Variants in ST8SIA1 observed in about 807,000 individuals in gnomAD.
ST8SIA1 encodes the protein alpha-N-acetylneuraminide alpha-2,8-sialyltransferase.
ST8SIA1 carries 16 observed loss-of-function variants against 35.9 expected under a neutral mutation model. The observed-to-expected ratio is 0.45, with a 90% CI of 0.30 to 0.68. The LOEUF (loss-of-function observed/expected upper bound fraction) is 0.68. Ranked by LOEUF, ST8SIA1 falls within the 30% of genes least tolerant of loss-of-function variation. The pLI is 0.09. For synonymous variants in ST8SIA1, 170 were observed against 169.6 expected, an observed-to-expected ratio of 1.00 and a Z score of -0.02; for missense variants, 383 against 453.6, an observed-to-expected ratio of 0.84 and a Z score of 1.41.
chr12:22,251,276 C>T (rs1224919382), intron 3 of ST8SIA1, among the ~76,000 whole-genome samples: 3 of 152,146 alleles, frequency 2.0e-5, no homozygotes, highest in Non-Finnish European at 4.4e-5. Flanking sequence ...ATTAAACAAA[C>T]TGGTTTTCAT....
chr12:22,227,195 C>T (rs934484977), intron 4 of ST8SIA1, among the ~76,000 whole-genome samples: 3 of 152,018 alleles, frequency 2.0e-5, no homozygotes, highest in Non-Finnish European at 2.9e-5. Flanking sequence ...CCACCTGCCT[C>T]GGCCTCTCAA....
chr12:22,274,247 G>C (rs61921824), intron 2 of ST8SIA1, among the ~76,000 whole-genome samples: 2 of 152,116 alleles, frequency 1.3e-5, no homozygotes, highest in Middle Eastern at 3.2e-3. Context: ...GACAATCAAG[G>C]GTTTTAAGCA....
At chr12:22,281,992 A>G (rs978642233) in intron 2 of ST8SIA1, among the ~76,000 whole-genome samples, 2 of 152,132 alleles carry the variant, frequency 1.3e-5, no homozygotes, top group African/African-American at 2.4e-5. Flanking sequence ...TTTATCAAAC[A>G]GAGCAAGACC....
rs186257080 is a variant in ST8SIA1, at chr12:22,249,120, T to C, written c.492-22A>G. 55 of 1,512,070 alleles carry C rather than the reference T, an allele frequency of 3.6e-5. No individual in the cohort carries two copies. In the East Asian group the frequency reaches 1.1e-3, roughly 30 times the overall value. 93.7% of individuals were successfully genotyped at this position (1,512,070 alleles called of 1,614,324 possible). A position where few individuals can be genotyped will look rare whatever the true frequency, so the allele number is the denominator to read the frequency against. On this transcript the variant is annotated intron_variant, in intron 3 of 4. Coordinates refer to ENST00000396037, the MANE Select transcript of ST8SIA1 (RefSeq NM_003034.4). Reference sequence around the variant, plus strand: ...GCATCTAGAGAAACAAGAACAAACATTTTGGAACAATTTGCATAGTTTTAA... The same window carrying C: ...GCATCTAGAGAAACAAGAACAAACACTTTGGAACAATTTGCATAGTTTTAA...
At chr12:22,246,639 G>A (rs1438319260) in intron 4 of ST8SIA1, among the ~76,000 whole-genome samples, 9 of 151,896 alleles carry the variant, frequency 5.9e-5, no homozygotes, top group Non-Finnish European at 5.9e-5. Context: ...GAGAACAGAG[G>A]AAAAAGCAGT....
intron 4 of ST8SIA1, among the ~76,000 whole-genome samples, chr12:22,226,105 A>G (rs1227036022): frequency 3.3e-5 from 5 of 152,256 alleles, no homozygotes; most frequent in African/African-American, 9.6e-5. Flanking sequence ...GTGCATATTC[A>G]TAATACATAT....
At chr12:22,261,716 C>A (rs1250542285) in intron 2 of ST8SIA1, among the ~76,000 whole-genome samples, 1 of 152,152 alleles carries the variant, frequency 6.6e-6, no homozygotes, top group Non-Finnish European at 1.5e-5. Flanking sequence ...AGCCCCATCA[C>A]TCTAAATATG....
intron 4 of ST8SIA1, among the ~76,000 whole-genome samples, chr12:22,226,635 ATCTC>A (rs1310959325): frequency 6.7e-6 from 1 of 149,694 alleles, no homozygotes; most frequent in African/African-American, 2.5e-5. Context: ...CATTATATTC[ATCTC>A]TCTGAGTTTT....
chr12:22,228,470 G>A (rs1865381901), intron 4 of ST8SIA1, among the ~76,000 whole-genome samples: 1 of 151,994 alleles, frequency 6.6e-6, no homozygotes, highest in African/African-American at 2.4e-5. Context: ...TTTAAAAGTT[G>A]GAATACAACA....
rs182076503 is a variant in ST8SIA1 at position 22,281,181 on chromosome 12, T to C, written c.381+5968A>G. On this transcript the variant is annotated intron_variant, in intron 2 of 4. Transcript: ENST00000396037. ...AACAGTAATAATATTATCATATGTT[T>C]TTATGGTGCATTCATTACAAAGCAC... Among the ~76,000 whole-genome samples the C allele has an allele frequency of 1.3e-3, 199 of 152,332 alleles. 1 individual carries two copies. Among genetic ancestry groups the C allele is most frequent in the African/African-American group, 4.7e-3 (194 of 41,572 alleles).
chr12:22,299,171 T>C (rs895933800), intron 1 of ST8SIA1, among the ~76,000 whole-genome samples: 1 of 152,160 alleles, frequency 6.6e-6, no homozygotes, highest in African/African-American at 2.4e-5. Context: ...ATTTCATTAT[T>C]TGGGTATTTT....
chr12:22,211,786 A>G (rs1865178559), intron 4 of ST8SIA1, among the ~76,000 whole-genome samples: 1 of 152,084 alleles, frequency 6.6e-6, no homozygotes, highest in African/African-American at 2.4e-5. Flanking sequence ...ATGTAGGTTC[A>G]CTGCAACCTC....
chr12:22,312,121 A>G (rs34312316), intron 1 of ST8SIA1, among the ~76,000 whole-genome samples: 18,582 of 152,114 alleles, frequency 0.12, 1,330 homozygotes, highest in Middle Eastern at 0.24. Context: ...GAGGGTTAAC[A>G]TTAATAAAAC....
At chr12:22,220,004 G>T (rs7953875) in intron 4 of ST8SIA1, among the ~76,000 whole-genome samples, 7,834 of 152,234 alleles carry the variant, frequency 0.051, 230 homozygotes, top group Middle Eastern at 0.1. Context: ...CACTTCTGAA[G>T]ATCAAAACAG....
At chr12:22,231,676 C>G (rs1444381144) in intron 4 of ST8SIA1, among the ~76,000 whole-genome samples, 1 of 151,948 alleles carries the variant, frequency 6.6e-6, no homozygotes, top group South Asian at 2.1e-4. Context: ...CGGGTTCACG[C>G]CATTCTCCTG....
intron 1 of ST8SIA1, chr12:22,326,000 C>G (rs774165284): frequency 1.4e-5 from 8 of 591,052 alleles, no homozygotes; most frequent in Non-Finnish European, 2.4e-5. Flanking sequence ...CATCACGCTA[C>G]TCAAAACAGA....
chr12:22,285,979 G>C (rs1866097259), intron 2 of ST8SIA1, among the ~76,000 whole-genome samples: 1 of 151,038 alleles, frequency 6.6e-6, no homozygotes, highest in South Asian at 2.1e-4. Context: ...AGCCATCATA[G>C]AGACAAGACA....
intron 4 of ST8SIA1, among the ~76,000 whole-genome samples, chr12:22,218,850 T>C (rs1035799709): frequency 6.6e-6 from 1 of 151,312 alleles, no homozygotes; most frequent in East Asian, 1.9e-4. Context: ...TAAAATAAAA[T>C]AAAAAAGAAA....
At chr12:22,267,701 T>C (rs563603755) in intron 2 of ST8SIA1, among the ~76,000 whole-genome samples, 36 of 152,294 alleles carry the variant, frequency 2.4e-4, no homozygotes, top group African/African-American at 8.4e-4. Context: ...GTAACTCACA[T>C]ATTTCAGAGA....
Sources: allele counts gnomAD v4.1 joint callset (sites outside exome capture counted in the v4.1 genomes callset), GRCh38; gene constraint gnomAD v4.1.1; transcripts MANE v1.5; gene names NCBI Gene and HGNC (gene_info 2026-07-23, HGNC 2026-07-21).